WRN: variants seen among roughly 807,000 people sequenced by gnomAD.
The protein encoded by WRN is WRN RecQ like helicase.
A neutral mutation model predicts 180.7 loss-of-function variants in WRN; 149 were observed. The ratio of observed to expected loss-of-function variants is 0.82; its 90% CI spans 0.72 to 0.94. The LOEUF is 0.94. Ranked by LOEUF, WRN falls within the 40% of genes least tolerant of loss-of-function variation. The probability of loss-of-function intolerance (pLI) is 0.00; values close to 1 mark genes in which losing one functional copy is unlikely to be tolerated. For synonymous variants in WRN, 548 were observed against 568.9 expected (o/e 0.96, Z 0.52); for missense variants, 1,661 against 1,700.1 (o/e 0.98, Z 0.40).
In WRN at chr8:31,090,911, T is replaced by C. The variant is rs1060500057; in HGVS notation, c.1798T>C (p.Ser600Pro). Residue 600 changes from serine (S) to proline (P), a missense_variant, in exon 15 of 35, where the codon TCT becomes CCT. By Grantham distance (74) the Ser-to-Pro change is moderately conservative (BLOSUM62 -1). This residue lies in a region of WRN where 1,141 missense variants were observed against 1,149.4 expected (regional missense o/e 0.99). Coordinates refer to ENST00000298139, the MANE Select transcript of WRN (RefSeq NM_000553.6). ...KIGLVISPLI[S>P]LMEDQVLQLK... ...TGGCCTTGTTATCTCTCCCCTTATT[T>C]CTCTGATGGAAGACCAAGTGCTACA... 1 of 1,613,060 alleles carries C rather than the reference T, an allele frequency of 6.2e-7. No individual in the cohort carries two copies. The highest frequency in any genetic ancestry group is 8.5e-7 in the Non-Finnish European group (1 of 1,179,268).
At chr8:31,165,138 A>G (rs1803802015) in intron 33 of WRN, among the ~76,000 whole-genome samples, 1 of 152,118 alleles carries the variant, frequency 6.6e-6, no homozygotes, top group South Asian at 2.1e-4. Flanking sequence ...GTGATTCAAA[A>G]GAGAATAAAA....
In WRN at chr8:31,149,415, AAAAT is replaced by A. The variant is rs1803008498; in HGVS notation, c.3573-916_3573-913del. Among the ~76,000 whole-genome samples, 7 of 149,832 alleles carry A rather than the reference AAAAT, an allele frequency of 4.7e-5. No homozygotes were observed. The South Asian group carries it at 1.5e-3, about 31-fold the overall frequency. ...CCGTCTAAAAAAAAAATAAAAAATA[AAAAT>A]AAATAAATATTCTAAGACCATACTT... On this transcript the variant is annotated intron_variant, in intron 30 of 34. Coordinates refer to ENST00000298139, the MANE Select transcript of WRN (RefSeq NM_000553.6).
chr8:31,087,650 T>C (rs1813584217), intron 11 of WRN, 126 bp from the exon 12 acceptor site: 1 of 891,086 alleles, frequency 1.1e-6, no homozygotes, highest in Non-Finnish European at 1.8e-6. Context: ...TTTTGTAGTA[T>C]GGCTTGCACA....
intron 34 of WRN, among the ~76,000 whole-genome samples, chr8:31,171,864 G>A (rs1804112904): frequency 6.6e-6 from 1 of 152,020 alleles, no homozygotes; most frequent in African/African-American, 2.4e-5. Flanking sequence ...TGGAATAAAT[G>A]GTATTTTTGT....
At chr8:31,142,580 A>G in intron 26 of WRN, 46 bp from the exon 27 acceptor site, 1 of 1,395,494 alleles carries the variant, frequency 7.2e-7, no homozygotes, top group Non-Finnish European at 1.0e-6. Flanking sequence ...TGAATTAGAT[A>G]CTTGCATCTT....
intron 24 of WRN, among the ~76,000 whole-genome samples, chr8:31,140,248 G>T (rs1427686311): frequency 6.6e-6 from 1 of 151,716 alleles, no homozygotes; most frequent in East Asian, 1.9e-4. Context: ...TGCCCAGGAT[G>T]GTCTCGAACT....
chr8:31,140,597 A>G (rs1214703998), intron 24 of WRN, among the ~76,000 whole-genome samples: 1 of 152,214 alleles, frequency 6.6e-6, no homozygotes, highest in Non-Finnish European at 1.5e-5. Flanking sequence ...TTTTCCTGGT[A>G]TATCTCAGTG....
Position 31,064,296 on chromosome 8 carries a change from C to T in WRN, c.217C>T (p.Leu73=). 6.2e-7 allele frequency: 1 copy of T among 1,614,032 alleles called. No homozygotes were observed. The highest frequency in any genetic ancestry group is 8.5e-7 in the Non-Finnish European group (1 of 1,179,964). ...SFLSEDISMS[L]SDGDVVGFDM... The stretch of plus-strand genomic sequence containing the variant: ...CTATTTTTCTCACTTTAGCATGAGT[C>T]TATCAGATGGGGATGTGGTGGGATT... Residue 73 remains leucine (L), a synonymous_variant, in exon 4 of 35, where the codon CTA becomes TTA. Transcript: ENST00000298139.
Position 31,173,609 on chromosome 8 carries a change from A to G in WRN, c.*507A>G. 1 of 173,128 alleles carries G rather than the reference A, an allele frequency of 5.8e-6. No homozygotes were observed. The highest frequency in any genetic ancestry group is 1.2e-5 in the Non-Finnish European group (1 of 80,426). 10.7% of individuals were successfully genotyped at this position (173,128 alleles called of 1,614,324 possible). On this transcript the variant is annotated 3_prime_UTR_variant, in exon 35 of 35. Coordinates refer to ENST00000298139, the MANE Select transcript of WRN (RefSeq NM_000553.6). ...TTAGTTGACCAGGGCAGTGAAAATG[A>G]AACCGCATTTTGGGTGCCATTAAAT...
intron 32 of WRN, among the ~76,000 whole-genome samples, chr8:31,155,392 G>A (rs1803342302): frequency 6.6e-6 from 1 of 152,106 alleles, no homozygotes; most frequent in South Asian, 2.1e-4. Context: ...GGAGGCTGAG[G>A]CAGGCAGATC....
At chr8:31,146,824 G>T (rs965418307) in intron 28 of WRN, among the ~76,000 whole-genome samples, 12 of 152,168 alleles carry the variant, frequency 7.9e-5, no homozygotes, top group Non-Finnish European at 1.8e-4. Context: ...CACCAATTTT[G>T]TGATGAACTC....
At chr8:31,039,621 C>G (rs190648716) in intron 1 of WRN, among the ~76,000 whole-genome samples, 2 of 152,214 alleles carry the variant, frequency 1.3e-5, no homozygotes, top group African/African-American at 4.8e-5. Context: ...GTATCTTTGT[C>G]TTGCTTCCTA....
chr8:31,047,766 T>TC (rs1165086524), intron 1 of WRN, among the ~76,000 whole-genome samples: 1 of 152,206 alleles, frequency 6.6e-6, no homozygotes, highest in Non-Finnish European at 1.5e-5. Flanking sequence ...CCCTGCAATT[T>TC]CCCGGTTTAT....
chr8:31,157,739 G>GT (rs973933457), intron 33 of WRN, among the ~76,000 whole-genome samples: 20 of 152,020 alleles, frequency 1.3e-4, no homozygotes, highest in African/African-American at 4.6e-4. Flanking sequence ...GTTTTGTTTT[G>GT]TTTTTTGAGA....
At chr8:31,099,370 C>T (rs1005134951) in intron 17 of WRN, among the ~76,000 whole-genome samples, 1 of 140,812 alleles carries the variant, frequency 7.1e-6, no homozygotes, top group Non-Finnish European at 1.5e-5. Flanking sequence ...CGCCACTGCA[C>T]TTTAGCCTAA....
In WRN at chr8:31,090,912, C is replaced by A; in HGVS notation, c.1799C>A (p.Ser600Tyr). 6.2e-7 allele frequency: 1 copy of A among 1,612,700 alleles called. No individual in the cohort carries two copies. The highest frequency in any genetic ancestry group is 8.5e-7 in the Non-Finnish European group (1 of 1,179,160). Residue 600 changes from serine to tyrosine, a missense_variant, in exon 15 of 35, where the codon TCT (serine) becomes TAT (tyrosine). By Grantham distance (144) the Ser-to-Tyr change is moderately radical. This residue lies in a region of WRN where 1,141 missense variants were observed against 1,149.4 expected (regional missense o/e 0.99). Coordinates refer to ENST00000298139, the MANE Select transcript of WRN (RefSeq NM_000553.6). ...GGCCTTGTTATCTCTCCCCTTATTT[C>A]TCTGATGGAAGACCAAGTGCTACAG... ...KIGLVISPLI[S>Y]LMEDQVLQLK...
intron 1 of WRN, among the ~76,000 whole-genome samples, chr8:31,050,349 CAT>C (rs1368879973): frequency 3.9e-5 from 6 of 152,072 alleles, no homozygotes; most frequent in African/African-American, 1.2e-4. Context: ...TATTATTTAA[CAT>C]GTGGATATTA....
intron 33 of WRN, among the ~76,000 whole-genome samples, chr8:31,157,750 C>T (rs920698894): frequency 1.3e-5 from 2 of 152,106 alleles, no homozygotes; most frequent in Admixed American, 6.5e-5. Context: ...TTTTTTGAGA[C>T]AGAGTCTTGC....
intron 30 of WRN, among the ~76,000 whole-genome samples, chr8:31,147,883 C>CTTTT (rs1802928297): frequency 1.6e-5 from 2 of 125,992 alleles, no homozygotes; most frequent in African/African-American, 5.8e-5. Context: ...TCTTCTTCTT[C>CTTTT]ATTTTTTTTT....
Sources: gnomAD v4.1 joint callset for allele counts (sites outside exome capture counted in the v4.1 genomes callset) on GRCh38, gnomAD v4.1.1 for gene constraint, gnomAD v4.1.1 regional missense constraint, MANE v1.5 for transcripts, NCBI Gene and HGNC (gene_info 2026-07-23, HGNC 2026-07-21) for gene names.